The following RASAL2 variants were observed in gnomAD, a reference collection of about 807,000 sequenced individuals.
RASAL2 encodes RAS protein activator like 2.
Under a neutral mutation model 128.9 loss-of-function variants are expected in RASAL2, and 58 were observed. That is an observed-to-expected ratio of 0.45 (90% CI 0.36 to 0.56). The LOEUF (loss-of-function observed/expected upper bound fraction) is 0.56, where lower values mean the gene tolerates loss of function less well. Ranked by LOEUF, RASAL2 falls within the 20% of genes least tolerant of loss-of-function variation. The pLI, the probability that RASAL2 is intolerant of heterozygous loss-of-function variation, is 0.00. For missense variants in RASAL2, 1,360 were observed against 1,601.6 expected, an observed-to-expected ratio of 0.85 and a Z score of 2.57; for synonymous variants, 561 against 580.8, an observed-to-expected ratio of 0.97 and a Z score of 0.49.
intron 2 of RASAL2, among the ~76,000 whole-genome samples, chr1:178,295,251 A>C (rs1027227060): frequency 2.0e-5 from 3 of 151,518 alleles, no homozygotes; most frequent in Non-Finnish European, 2.9e-5. Flanking sequence ...CCCAAAAAAA[A>C]AAAAACAAAA....
At chr1:178,278,170 A>G (rs1270319465) in intron 1 of RASAL2, among the ~76,000 whole-genome samples, 1 of 152,192 alleles carries the variant, frequency 6.6e-6, no homozygotes, top group Non-Finnish European at 1.5e-5. Context: ...TCTCATTTAC[A>G]TAAGGTGTGA....
chr1:178,374,363 G>A (rs1053329102), intron 3 of RASAL2, among the ~76,000 whole-genome samples: 2 of 152,044 alleles, frequency 1.3e-5, no homozygotes, highest in African/African-American at 4.8e-5. Context: ...AGGATGAGTA[G>A]AACCAAGAAA....
At chr1:178,224,978 T>C (rs551630667) in intron 1 of RASAL2, among the ~76,000 whole-genome samples, 1 of 152,284 alleles carries the variant, frequency 6.6e-6, no homozygotes, top group East Asian at 1.9e-4. Flanking sequence ...TCAATTATGT[T>C]CTGTGGATCA....
At chr1:178,401,223 C>CATA (rs1673606838) in intron 4 of RASAL2, among the ~76,000 whole-genome samples, 1 of 152,094 alleles carries the variant, frequency 6.6e-6, no homozygotes, top group Non-Finnish European at 1.5e-5. Context: ...AGACATTGAC[C>CATA]TCTTATGCCA....
intron 1 of RASAL2, among the ~76,000 whole-genome samples, chr1:178,280,932 A>G (rs1005147148): frequency 1.3e-5 from 2 of 152,096 alleles, no homozygotes; most frequent in Non-Finnish European, 1.5e-5. Flanking sequence ...GGTAACGTGT[A>G]TAGTCTCAGT....
chr1:178,258,506 T>C (rs1174537488), intron 1 of RASAL2, among the ~76,000 whole-genome samples: 4 of 152,160 alleles, frequency 2.6e-5, no homozygotes, highest in Non-Finnish European at 5.9e-5. Flanking sequence ...AGTAAGCACA[T>C]GAAAAGATGC....
intron 1 of RASAL2, among the ~76,000 whole-genome samples, chr1:178,128,737 C>T (rs1659990925): frequency 6.6e-6 from 1 of 152,122 alleles, no homozygotes; most frequent in Non-Finnish European, 1.5e-5. Context: ...CTTTCTGATT[C>T]CCCTAAATGT....
At chr1:178,154,682 T>G (rs1277044371) in intron 1 of RASAL2, among the ~76,000 whole-genome samples, 2 of 152,236 alleles carry the variant, frequency 1.3e-5, no homozygotes, top group Non-Finnish European at 2.9e-5. Flanking sequence ...CATGTGCATA[T>G]TGGCCATTCA....
chr1:178,249,248 T>C (rs528643917), intron 1 of RASAL2, among the ~76,000 whole-genome samples: 16 of 152,030 alleles, frequency 1.1e-4, no homozygotes, highest in Non-Finnish European at 2.2e-4. Flanking sequence ...CTTTTCATTC[T>C]TTTTTCTCTA....
At chr1:178,465,805 AAAAAAGAAAAAAG>A (rs1647612511) in intron 15 of RASAL2, 102 bp from the exon 16 acceptor site, 16 of 1,034,794 alleles carry the variant, frequency 1.5e-5, no homozygotes, top group South Asian at 5.4e-5. Context: ...CTTTTGTTAA[AAAAAAGAAAAAAG>A]AAAAAGAAAA....
chr1:178,096,372 T>C (rs1431351141), intron 1 of RASAL2, among the ~76,000 whole-genome samples: 1 of 152,160 alleles, frequency 6.6e-6, no homozygotes, highest in Non-Finnish European at 1.5e-5. Flanking sequence ...TTAACTATCG[T>C]TCTTCATTTG....
intron 3 of RASAL2, among the ~76,000 whole-genome samples, chr1:178,306,095 C>G (rs1245022420): frequency 6.6e-6 from 1 of 152,168 alleles, no homozygotes; most frequent in East Asian, 1.9e-4. Flanking sequence ...GATTTTGATT[C>G]ATCAAATTTT....
chr1:178,242,609 C>T (rs1404643579), intron 1 of RASAL2, among the ~76,000 whole-genome samples: 1 of 152,020 alleles, frequency 6.6e-6, no homozygotes, highest in Admixed American at 6.6e-5. Flanking sequence ...CACTTACATT[C>T]TTGAATCTGT....
At chr1:178,131,375 CTTTTTTTTTTT>C (rs71108028) in intron 1 of RASAL2, among the ~76,000 whole-genome samples, 27 of 82,606 alleles carry the variant, frequency 3.3e-4, no homozygotes, top group Non-Finnish European at 5.6e-4. Context: ...CCTGGATAAT[CTTTTTTTTTTT>C]TTTTTTTTTT....
chr1:178,361,281 A>AT (rs201030571), intron 3 of RASAL2, among the ~76,000 whole-genome samples: 5,642 of 151,546 alleles, frequency 0.037, 132 homozygotes, highest in Non-Finnish European at 0.055. Flanking sequence ...TGATTGTGGT[A>AT]TTTTTTTTTC....
chr1:178,192,946 C>T lies in RASAL2; in HGVS notation c.203-90618C>T, dbSNP rs565986217. Among the ~76,000 whole-genome samples, 4 of 151,990 alleles carry T rather than the reference C, an allele frequency of 2.6e-5. No homozygotes were observed. In the South Asian group the frequency reaches 6.3e-4, roughly 24 times the overall value. ...ACATTTCCAGTTCCCACAGAGAAGCCGATCCCTGGCAGAAGGCAGATAGAG... is the reference window on the plus strand; with the variant it reads ...ACATTTCCAGTTCCCACAGAGAAGCTGATCCCTGGCAGAAGGCAGATAGAG... On this transcript the variant is annotated intron_variant, in intron 1 of 17. Coordinates refer to ENST00000367649, the MANE Select transcript of RASAL2 (RefSeq NM_170692.4).
chr1:178,338,086 A>G (rs1035108234), intron 3 of RASAL2, among the ~76,000 whole-genome samples: 2 of 151,540 alleles, frequency 1.3e-5, no homozygotes, highest in East Asian at 2.0e-4. Flanking sequence ...CTGATTTTCA[A>G]AAAGATCATG....
At chr1:178,418,289 T>A (rs1044322199) in intron 4 of RASAL2, among the ~76,000 whole-genome samples, 5 of 152,222 alleles carry the variant, frequency 3.3e-5, no homozygotes, top group African/African-American at 1.2e-4. Context: ...TATGTTGCAT[T>A]CTTAAAATTG....
intron 2 of RASAL2, among the ~76,000 whole-genome samples, chr1:178,296,037 GTATGTGTGTGTGTATATA>G (rs920315336): frequency 1.3e-5 from 2 of 151,942 alleles, no homozygotes; most frequent in Non-Finnish European, 2.9e-5. Flanking sequence ...AAATATGTGT[GTATGTGTGTGTGTATATA>G]TATGTGTGTG....
Sources: gnomAD v4.1 joint callset for allele counts (sites outside exome capture counted in the v4.1 genomes callset) on GRCh38, gnomAD v4.1.1 for gene constraint, MANE v1.5 for transcripts, NCBI Gene and HGNC (gene_info 2026-07-23, HGNC 2026-07-21) for gene names.